Variants in ELP3 observed in about 807,000 individuals in gnomAD.
The protein encoded by ELP3 is elongator complex protein 3.
ELP3 carries 56 observed loss-of-function variants against 74.9 expected under a neutral mutation model. The observed-to-expected ratio is 0.75, with a 90% CI of 0.60 to 0.93. The LOEUF is 0.93. Among genes scored for constraint, ELP3 ranks in the 40% least tolerant of loss-of-function variants. The probability of loss-of-function intolerance (pLI) is 0.00; values close to 1 mark genes in which losing one functional copy is unlikely to be tolerated. For synonymous variants in ELP3, 222 were observed against 239.8 expected (o/e 0.93, Z 0.68); for missense variants, 573 against 686.5 (o/e 0.83, Z 1.85).
At chr8:28,113,451 T>A (rs1015483117) in intron 7 of ELP3, among the ~76,000 whole-genome samples, 1 of 152,282 alleles carries the variant, frequency 6.6e-6, no homozygotes, top group Non-Finnish European at 1.5e-5. Context: ...TCGCCAAATA[T>A]GGTCCATGAA....
chr8:28,184,154 G>A (rs548973305), intron 14 of ELP3, among the ~76,000 whole-genome samples: 4 of 152,276 alleles, frequency 2.6e-5, no homozygotes, highest in South Asian at 2.1e-4. Context: ...GTAGAAACAG[G>A]AGGAAATTTT....
chr8:28,190,844 C>G lies in ELP3; in HGVS notation c.*1119C>G, dbSNP rs1243753041. ...TAAATGCCGGGATTACAGGCATGAG[C>G]CACCGCTCCCAGCCTTTGATTTTTT... On this transcript the variant is annotated 3_prime_UTR_variant, in exon 15 of 15. Transcript: ENST00000256398. 2 of 152,260 alleles carry G rather than the reference C, an allele frequency of 1.3e-5. No individual in the cohort carries two copies. Among genetic ancestry groups the G allele is most frequent in the Non-Finnish European group, 2.9e-5 (2 of 68,080 alleles). 9.4% of individuals were successfully genotyped at this position (152,260 alleles called of 1,614,324 possible).
intron 14 of ELP3, among the ~76,000 whole-genome samples, chr8:28,179,119 C>T (rs910820270): frequency 4.6e-5 from 7 of 152,188 alleles, no homozygotes; most frequent in Non-Finnish European, 8.8e-5. Flanking sequence ...TTTTCATAGA[C>T]GCAGCTTCTG....
At chr8:28,090,374 C>A, upstream of ELP3, 1 of 367,616 alleles carries the variant, frequency 2.7e-6, no homozygotes, top group South Asian at 2.2e-5. Flanking sequence ...ATGTTGCTTC[C>A]CGGTCTGGTG....
intron 2 of ELP3, among the ~76,000 whole-genome samples, chr8:28,098,020 A>G (rs1811323678): frequency 6.6e-6 from 1 of 152,052 alleles, no homozygotes; most frequent in Non-Finnish European, 1.5e-5. Context: ...TTCCTTCCCT[A>G]CTGTCTCAGC....
chr8:28,177,372 G>A (rs945170402), intron 14 of ELP3, among the ~76,000 whole-genome samples: 10 of 152,180 alleles, frequency 6.6e-5, no homozygotes, highest in African/African-American at 2.4e-4. Flanking sequence ...CGCCATCCTG[G>A]CAGGAGATCA....
intron 3 of ELP3, among the ~76,000 whole-genome samples, chr8:28,101,787 ACT>A (rs1185867198): frequency 3.3e-5 from 5 of 151,984 alleles, no homozygotes; most frequent in South Asian, 2.1e-4. Context: ...ACAGGGTTTC[ACT>A]ATGTTGGCCA....
chr8:28,163,187 C>G lies in ELP3; in HGVS notation c.1567+1109C>G, dbSNP rs191763769. Among the ~76,000 whole-genome samples the G allele has an allele frequency of 2.0e-3, 309 of 152,258 alleles. 5 individuals carry two copies. The highest frequency in any genetic ancestry group is 7.9e-3 in the South Asian group (38 of 4,822). ...GTAGACCCCTTTCACATCTGCTGTTCCATAGTGTATCCTTACAGAAATCGC... is the reference window on the plus strand; with the variant it reads ...GTAGACCCCTTTCACATCTGCTGTTGCATAGTGTATCCTTACAGAAATCGC... On this transcript the variant is annotated intron_variant, in intron 14 of 14. Coordinates refer to ENST00000256398, the MANE Select transcript of ELP3 (RefSeq NM_018091.6).
rs751488878 is a variant in ELP3 at position 28,129,542 on chromosome 8, A to G, written c.658A>G (p.Ile220Val). 5.6e-6 allele frequency: 9 copies of G among 1,614,220 alleles called. No homozygotes were observed. Among genetic ancestry groups the G allele is most frequent in the Admixed American group, 1.7e-5 (1 of 60,032 alleles). The change falls in exon 8 of 15, where the codon ATT becomes GTT. Residue 220 changes from isoleucine (I) to valine (V), a missense_variant. Ile to Val is a conservative substitution (Grantham distance 29). Coordinates refer to ENST00000256398, the MANE Select transcript of ELP3 (RefSeq NM_018091.6). ...RSLTKCIGIT[I>V]ETRPDYCMKR... Reference sequence around the variant, plus strand: ...CCTCACAAAGTGTATTGGAATTACTATTGAAACCAGACCAGATTACTGCAT... The same window carrying G: ...CCTCACAAAGTGTATTGGAATTACTGTTGAAACCAGACCAGATTACTGCAT...
chr8:28,128,854 CACTA>C (rs1812684534), intron 7 of ELP3, among the ~76,000 whole-genome samples: 1 of 152,176 alleles, frequency 6.6e-6, no homozygotes, highest in Non-Finnish European at 1.5e-5. Context: ...GCATTAAGGC[CACTA>C]ACTGAGACAG....
chr8:28,165,053 G>A (rs1157564993), intron 14 of ELP3, among the ~76,000 whole-genome samples: 1 of 152,092 alleles, frequency 6.6e-6, no homozygotes, highest in African/African-American at 2.4e-5. Flanking sequence ...GGATGGGAGT[G>A]GGGTGGGGAG....
intron 9 of ELP3, among the ~76,000 whole-genome samples, chr8:28,135,491 A>T (rs745844986): frequency 1.3e-5 from 2 of 152,208 alleles, no homozygotes. Context: ...TCCAGAGAGT[A>T]GGGCGGAGAG....
At chr8:28,110,320 A>G (rs1198750170) in intron 5 of ELP3, 50 bp from the exon 6 acceptor site, 8 of 1,496,394 alleles carry the variant, frequency 5.3e-6, no homozygotes, top group Non-Finnish European at 7.4e-6. Flanking sequence ...TTTTGAAACT[A>G]CTTTTTAGTT....
At chr8:28,142,061 A>G (rs1015899458) in intron 10 of ELP3, among the ~76,000 whole-genome samples, 1 of 152,194 alleles carries the variant, frequency 6.6e-6, no homozygotes, top group Non-Finnish European at 1.5e-5. Context: ...GCTTAATTTT[A>G]TAGACTTTTA....
chr8:28,143,126 T>C (rs1318036221), intron 10 of ELP3, among the ~76,000 whole-genome samples: 1 of 152,254 alleles, frequency 6.6e-6, no homozygotes, highest in African/African-American at 2.4e-5. Context: ...TTTTTATTCT[T>C]AACAGCCACT....
intron 2 of ELP3, 136 bp from the exon 3 acceptor site, chr8:28,099,692 T>A (rs1454268868): frequency 2.1e-6 from 2 of 972,734 alleles, no homozygotes; most frequent in Non-Finnish European, 3.2e-6. Flanking sequence ...TAGTCACAGA[T>A]CTTAAAACTA....
At chr8:28,173,087 T>C (rs970267528) in intron 14 of ELP3, among the ~76,000 whole-genome samples, 4 of 151,986 alleles carry the variant, frequency 2.6e-5, no homozygotes, top group Non-Finnish European at 4.4e-5. Context: ...TGATGGTCTA[T>C]AGTTTTCTTT....
chr8:28,148,162 T>TTACATTGGTGTAATACTACAGTACTACAC (rs1233134774), intron 10 of ELP3, among the ~76,000 whole-genome samples: 3 of 152,216 alleles, frequency 2.0e-5, no homozygotes, highest in Admixed American at 6.5e-5. Context: ...CTAATAGCAT[T>TTACATTGGTGTAATACTACAGTACTACAC]TACATTGGTG....
At chr8:28,099,267 C>T (rs943941205) in intron 2 of ELP3, among the ~76,000 whole-genome samples, 2 of 151,942 alleles carry the variant, frequency 1.3e-5, no homozygotes, top group African/African-American at 4.8e-5. Context: ...CATAGCCATC[C>T]TTGATTTTTT....
Sources: allele counts gnomAD v4.1 joint callset (sites outside exome capture counted in the v4.1 genomes callset), GRCh38; gene constraint gnomAD v4.1.1; transcripts MANE v1.5; gene names NCBI Gene and HGNC (gene_info 2026-07-23, HGNC 2026-07-21).